Variants in ACP2 observed in about 807,000 individuals in gnomAD.
ACP2 encodes acid phosphatase 2, lysosomal, also known as lysosomal acid phosphatase.
In ACP2, 35 loss-of-function variants were observed where a neutral mutation model predicts 54.7. The observed-to-expected ratio is 0.64, with a 90% CI of 0.49 to 0.85. The LOEUF (loss-of-function observed/expected upper bound fraction) is 0.85, where lower values mean the gene tolerates loss of function less well. ACP2 is among the 40% of genes least tolerant of loss of function. The pLI is 0.00. For synonymous variants in ACP2, 210 were observed against 224.4 expected (o/e 0.94, Z 0.57); for missense variants, 492 against 565.0 (o/e 0.87, Z 1.31).
intron 10 of ACP2, among the ~76,000 whole-genome samples, chr11:47,242,183 G>T (rs1953898915): frequency 6.6e-6 from 1 of 152,242 alleles, no homozygotes; most frequent in Non-Finnish European, 1.5e-5. Flanking sequence ...GAGGTGACTG[G>T]TCACCAGACA....
chr11:47,245,131 C>G, intron 6 of ACP2, 174 bp downstream of exon 6: 1 of 917,842 alleles, frequency 1.1e-6, no homozygotes, highest in South Asian at 1.3e-5. Context: ...TAAACCATTT[C>G]CCACTCTGAG....
chr11:47,241,135 G>A (rs1426014310), intron 10 of ACP2, among the ~76,000 whole-genome samples: 1 of 152,186 alleles, frequency 6.6e-6, no homozygotes. Context: ...AGAAGGCCAT[G>A]GTGAAGAACT....
rs201581669 is a variant in ACP2, at chr11:47,242,709, C to T, written c.1138+14G>A. On this transcript the variant is annotated intron_variant, in intron 10 of 10. Transcript: ENST00000672073. ...TCTAGGGCATGACTAGCAAGGAGGC[C>T]GGTGACAGCTCACCTGTGTCTGCAG... 2.0e-5 allele frequency: 32 copies of T among 1,603,556 alleles called. No individual in the cohort carries two copies. The highest frequency in any genetic ancestry group is 8.0e-5 in the African/African-American group (6 of 74,854).
rs565150676 is a variant in ACP2 at position 47,241,130 on chromosome 11, G to A, written c.1139-881C>T. Among the ~76,000 whole-genome samples the A allele has an allele frequency of 1.1e-4, 16 of 152,344 alleles. No individual in the cohort carries two copies. In the Middle Eastern group the frequency reaches 0.017, roughly 162 times the overall value. On this transcript the variant is annotated intron_variant, in intron 10 of 10. Transcript: ENST00000672073. The stretch of plus-strand genomic sequence containing the variant: ...GACCAGATGGAGTAGGGCCTAGAAG[G>A]CCATGGTGAAGAACTTGGATTTTAT...
chr11:47,240,846 A>G (rs983976166), intron 10 of ACP2, among the ~76,000 whole-genome samples: 5 of 151,876 alleles, frequency 3.3e-5, no homozygotes, highest in Non-Finnish European at 7.4e-5. Context: ...ATTAGGAGTG[A>G]CAGGTCAGTG....
rs10838677 is a variant in ACP2 at position 47,245,528 on chromosome 11, C to T, written c.495G>A (p.Leu165=). 0.04 allele frequency: 63,859 copies of T among 1,614,214 alleles called. 1,695 individuals are homozygous for T. The highest frequency in any genetic ancestry group is 0.11 in the South Asian group (10,302 of 91,086). Residue 165 remains leucine (L), a synonymous_variant, in exon 5 of 11, where the codon CTG becomes CTA. Transcript: ENST00000672073. ...CTGGTGTCTGCCGGGTCTCGTTCTGCAGCTGCTCATAACGGGGACATGGGC... is the reference window on the plus strand; with the variant it reads ...CTGGTGTCTGCCGGGTCTCGTTCTGTAGCTGCTCATAACGGGGACATGGGC... ...PLGPCPRYEQ[L]QNETRQTPEY...
In ACP2 at chr11:47,248,745, C is replaced by G. The variant is rs1265032531; in HGVS notation, c.45G>C (p.Gln15His). The change falls in exon 1 of 11, where the codon CAG (glutamine) becomes CAC (histidine). Residue 15 changes from glutamine (Q) to histidine (H), a missense_variant. Physicochemically the swap from Gln to His is conservative, Grantham distance 24 (BLOSUM62 0). Coordinates refer to ENST00000672073, the MANE Select transcript of ACP2 (RefSeq NM_001610.4). ...CCACCAGGTTCACGCCGAGAAGGAGCTGGAGGAGAGCCGCCCGGCTCCAGC... is the reference window on the plus strand; with the variant it reads ...CCACCAGGTTCACGCCGAGAAGGAGGTGGAGGAGAGCCGCCCGGCTCCAGC... ...RSGWSRAALLQLLLGVNLVVM... is the reference protein window; with the variant it reads ...RSGWSRAALLHLLLGVNLVVM... 1 of 1,609,142 alleles carries G rather than the reference C, an allele frequency of 6.2e-7. No individual in the cohort carries two copies. Among genetic ancestry groups the G allele is most frequent in the African/African-American group, 1.3e-5 (1 of 74,902 alleles).
In ACP2 at chr11:47,244,695, G is replaced by A. The variant is rs369288860; in HGVS notation, c.772+40C>T. ...CACAGCAGATTTTTAACGCCTTAGG[G>A]TCCTGAGGAGTAGAGTGACACGCTG... On this transcript the variant is annotated intron_variant, in intron 7 of 10. Coordinates refer to ENST00000672073, the MANE Select transcript of ACP2 (RefSeq NM_001610.4). 3.9e-6 allele frequency: 6 copies of A among 1,525,100 alleles called. No homozygotes were observed. The African/African-American group carries it at 8.2e-5, about 21-fold the overall frequency. The allele number at this position is 1,525,100 out of a possible 1,614,324, so 94.5% of individuals were successfully genotyped here. A position where few individuals can be genotyped will look rare whatever the true frequency, so the allele number is the denominator to read the frequency against.
chr11:47,241,537 ACT>A (rs912437778), intron 10 of ACP2, among the ~76,000 whole-genome samples: 1 of 152,154 alleles, frequency 6.6e-6, no homozygotes, highest in Admixed American at 6.5e-5. Flanking sequence ...AAAAAAGTTA[ACT>A]CTGCTGTGTT....
chr11:47,247,613 C>T lies in ACP2; in HGVS notation c.297+28G>A, dbSNP rs765216967. On this transcript the variant is annotated intron_variant, in intron 3 of 10. Transcript: ENST00000672073. ...AAGATGAGGGCAGCATACCTTGTTC[C>T]CCTTGCCTCTGGAGCTCCCAACCTT... The T allele has an allele frequency of 2.5e-6, 4 of 1,613,732 alleles. No individual in the cohort carries two copies. The Admixed American group carries it at 6.7e-5, about 27-fold the overall frequency.
Position 47,245,519 on chromosome 11 carries a change from C to T in ACP2, c.504G>A (p.Glu168=). 2.5e-6 allele frequency: 4 copies of T among 1,614,246 alleles called. No homozygotes were observed. The highest frequency in any genetic ancestry group is 3.4e-6 in the Non-Finnish European group (4 of 1,180,040). The change falls in exon 5 of 11, where the codon GAG becomes GAA. Residue 168 remains glutamate, a synonymous_variant. Transcript: ENST00000672073. ...PCPRYEQLQN[E]TRQTPEYQNE... ...TCTGATACTCTGGTGTCTGCCGGGT[C>T]TCGTTCTGCAGCTGCTCATAACGGG...
intron 4 of ACP2, 51 bp downstream of exon 4, chr11:47,245,631 A>G: frequency 6.2e-7 from 1 of 1,614,148 alleles, no homozygotes; most frequent in South Asian, 1.1e-5. Context: ...CAGCAGGCCT[A>G]CGGCCAGAGC....
At chr11:47,244,224 T>A in intron 7 of ACP2, among the ~76,000 whole-genome samples, 1 of 151,448 alleles carries the variant, frequency 6.6e-6, no homozygotes, top group East Asian at 2.0e-4. Flanking sequence ...AGGTCAGGAG[T>A]TCAAGACCAG....
intron 1 of ACP2, 50 bp from the exon 2 acceptor site, chr11:47,248,183 G>C: frequency 6.7e-7 from 1 of 1,500,512 alleles, no homozygotes; most frequent in Non-Finnish European, 9.0e-7. Flanking sequence ...CCCCTTGATA[G>C]GGACCCAGAG....
At chr11:47,247,867 G>GC (rs1359516193) in intron 2 of ACP2, 140 bp from the exon 3 acceptor site, 1 of 941,026 alleles carries the variant, frequency 1.1e-6, no homozygotes, top group East Asian at 2.5e-5. Context: ...TCATTAAGTG[G>GC]CCAGTCATGC....
intron 7 of ACP2, 28 bp downstream of exon 7, chr11:47,244,707 A>C: frequency 6.4e-7 from 1 of 1,561,656 alleles, no homozygotes; most frequent in Non-Finnish European, 8.7e-7. Flanking sequence ...CCTGAGGAGT[A>C]GAGTGACACG....
chr11:47,240,215 G>A lies in ACP2; in HGVS notation c.1173C>T (p.Ile391=). The change falls in exon 11 of 11, where the codon ATC becomes ATT. Residue 391 remains isoleucine, a synonymous_variant. Coordinates refer to ENST00000672073, the MANE Select transcript of ACP2 (RefSeq NM_001610.4). ...VIVALAVCGS[I]LFLLIVLLLT... is the part of the protein sequence containing the mutation. ...GGAGCAGCACTATGAGGAGGAAGAGGATGGAGCCACATACAGCCAAGGCCA... is the reference window on the plus strand; with the variant it reads ...GGAGCAGCACTATGAGGAGGAAGAGAATGGAGCCACATACAGCCAAGGCCA... The A allele has an allele frequency of 6.2e-7, 1 of 1,605,178 alleles. No homozygotes were observed. Among genetic ancestry groups the A allele is most frequent in the Non-Finnish European group, 8.5e-7 (1 of 1,171,850 alleles).
In ACP2 at chr11:47,244,862, C is replaced by G; in HGVS notation, c.645G>C (p.Thr215=). 6.2e-7 allele frequency: 1 copy of G among 1,604,748 alleles called. No homozygotes were observed. Among genetic ancestry groups the G allele is most frequent in the Non-Finnish European group, 8.5e-7 (1 of 1,173,816 alleles). The change falls in exon 7 of 11, where the codon ACG becomes ACC. Residue 215 remains threonine, a synonymous_variant. Coordinates refer to ENST00000672073, the MANE Select transcript of ACP2 (RefSeq NM_001610.4). ...CCCAGGGCGGCAGGCGCAGCCCGTGCGTTTGCTGTGTATCGCAGCAGGCAG... is the reference window on the plus strand; with the variant it reads ...CCCAGGGCGGCAGGCGCAGCCCGTGGGTTTGCTGTGTATCGCAGCAGGCAG... The part of the protein sequence containing the change: ...NVYDTLFCEQ[T]HGLRLPPWAS...
Position 47,244,848 on chromosome 11 carries a change from A to G in ACP2, c.659T>C (p.Leu220Pro). ...GGTTTGGGGTGAGGCCCAGGGCGGC[A>G]GGCGCAGCCCGTGCGTTTGCTGTGT... is the stretch of plus-strand genomic sequence containing the variant. ...LFCEQTHGLR[L>P]PPWASPQTMQ... The change falls in exon 7 of 11, where the codon CTG becomes CCG. Residue 220 changes from leucine (L) to proline (P), a missense_variant. By Grantham distance (98) the Leu-to-Pro change is moderately conservative (BLOSUM62 -3). Transcript: ENST00000672073. 2 of 1,609,420 alleles carry G rather than the reference A, an allele frequency of 1.2e-6. No homozygotes were observed. The highest frequency in any genetic ancestry group is 1.7e-5 in the Admixed American group (1 of 59,730).
Sources: gnomAD v4.1 joint callset for allele counts (sites outside exome capture counted in the v4.1 genomes callset) on GRCh38, gnomAD v4.1.1 for gene constraint, MANE v1.5 for transcripts, NCBI Gene and HGNC (gene_info 2026-07-23, HGNC 2026-07-21) for gene names.